The following CNTN3 variants were observed in gnomAD, a reference collection of about 807,000 sequenced individuals.
The protein encoded by CNTN3 is contactin-3.
A neutral mutation model predicts 119.1 loss-of-function variants in CNTN3; 60 were observed. That is an observed-to-expected ratio of 0.50 (90% confidence interval 0.41 to 0.62). The LOEUF (loss-of-function observed/expected upper bound fraction) is 0.62. Ranked by LOEUF, CNTN3 falls within the 20% of genes least tolerant of loss-of-function variation. The pLI is 0.00. For missense variants in CNTN3, 1,101 were observed against 1,242.4 expected, an observed-to-expected ratio of 0.89 and a Z score of 1.71; for synonymous variants, 450 against 438.7, an observed-to-expected ratio of 1.03 and a Z score of -0.32.
intron 2 of CNTN3, among the ~76,000 whole-genome samples, chr3:74,509,561 G>T (rs1703327540): frequency 6.6e-6 from 1 of 152,160 alleles, no homozygotes; most frequent in African/African-American, 2.4e-5. Context: ...TTCCCAAAGT[G>T]CTGGGTTACA....
intron 4 of CNTN3, among the ~76,000 whole-genome samples, chr3:74,440,724 A>G (rs1701949250): frequency 6.6e-6 from 1 of 152,144 alleles, no homozygotes; most frequent in Non-Finnish European, 1.5e-5. Flanking sequence ...ACAAAGGTAT[A>G]CATGTGCCAT....
chr3:74,500,390 A>G (rs1042962282), intron 2 of CNTN3, among the ~76,000 whole-genome samples: 1 of 151,958 alleles, frequency 6.6e-6, no homozygotes, highest in Non-Finnish European at 1.5e-5. Flanking sequence ...AAAAAAAACA[A>G]ATCTCTCTAT....
At chr3:74,501,377 T>C (rs1703164208) in intron 2 of CNTN3, among the ~76,000 whole-genome samples, 2 of 151,904 alleles carry the variant, frequency 1.3e-5, no homozygotes, top group Admixed American at 6.6e-5. Flanking sequence ...ACTCCTTGAG[T>C]ATTGTCACAC....
chr3:74,325,289 G>GT (rs1170757357), intron 13 of CNTN3, among the ~76,000 whole-genome samples: 1 of 152,120 alleles, frequency 6.6e-6, no homozygotes, highest in Non-Finnish European at 1.5e-5. Context: ...ATAAAAGGTA[G>GT]TTTTTTCTTG....
intron 1 of CNTN3, among the ~76,000 whole-genome samples, chr3:74,589,037 T>C (rs1252361122): frequency 3.4e-4 from 51 of 151,500 alleles, no homozygotes; most frequent in African/African-American, 1.2e-3. Flanking sequence ...ATTCAGGACA[T>C]AGGCATGGGC....
At chr3:74,508,078 C>T (rs1703296945) in intron 2 of CNTN3, among the ~76,000 whole-genome samples, 1 of 152,096 alleles carries the variant, frequency 6.6e-6, no homozygotes, top group African/African-American at 2.4e-5. Context: ...GTGTCTCCAC[C>T]CAAATCTCAT....
chr3:74,450,217 T>C (rs1353710474), intron 4 of CNTN3, among the ~76,000 whole-genome samples: 2 of 152,122 alleles, frequency 1.3e-5, no homozygotes, highest in Non-Finnish European at 2.9e-5. Context: ...AAAATACATG[T>C]GTTTTTTATA....
chr3:74,347,433 G>T (rs569898504), intron 11 of CNTN3, among the ~76,000 whole-genome samples: 1 of 152,232 alleles, frequency 6.6e-6, no homozygotes, highest in Admixed American at 6.5e-5. Flanking sequence ...TGCAAAATGA[G>T]CCTCCCTCTG....
intron 1 of CNTN3, among the ~76,000 whole-genome samples, chr3:74,602,276 ACAG>A (rs900081867): frequency 3.5e-5 from 5 of 143,348 alleles, no homozygotes; most frequent in Admixed American, 2.8e-4. Context: ...AGCCCAGGCC[ACAG>A]AGCAAGACCT....
chr3:74,373,592 T>C (rs1295115859), intron 5 of CNTN3, among the ~76,000 whole-genome samples: 1 of 152,168 alleles, frequency 6.6e-6, no homozygotes, highest in African/African-American at 2.4e-5. Flanking sequence ...TCATGCAAGA[T>C]AATATTATAC....
At chr3:74,400,371 C>G (rs772000262) in intron 5 of CNTN3, among the ~76,000 whole-genome samples, 1 of 152,186 alleles carries the variant, frequency 6.6e-6, no homozygotes, top group East Asian at 1.9e-4. Flanking sequence ...ACGGCACCGT[C>G]CCAGTTGGGG....
intron 3 of CNTN3, among the ~76,000 whole-genome samples, chr3:74,494,045 A>C (rs1339947857): frequency 1.3e-5 from 2 of 152,156 alleles, no homozygotes; most frequent in African/African-American, 4.8e-5. Flanking sequence ...GGATTCTCTT[A>C]AAATTATTTC....
intron 3 of CNTN3, among the ~76,000 whole-genome samples, chr3:74,487,277 G>C (rs1702876548): frequency 6.6e-6 from 1 of 152,116 alleles, no homozygotes; most frequent in African/African-American, 2.4e-5. Flanking sequence ...AGAGAAGCTG[G>C]TTTTTAAATA....
intron 11 of CNTN3, among the ~76,000 whole-genome samples, chr3:74,350,142 G>T (rs1168125199): frequency 6.6e-6 from 1 of 152,044 alleles, no homozygotes; most frequent in Non-Finnish European, 1.5e-5. Flanking sequence ...ACATTTGGGT[G>T]GAATTTACTT....
At position 74,365,668 on chromosome 3, in the gene CNTN3, C is replaced by T. The variant is rs748263367; in HGVS notation, c.981G>A (p.Val327=). The T allele has an allele frequency of 6.2e-7, 1 of 1,613,362 alleles. No homozygotes were observed. The highest frequency in any genetic ancestry group is 8.5e-7 in the Non-Finnish European group (1 of 1,179,516). The change falls in exon 9 of 23, where the codon GTG becomes GTA. Residue 327 remains valine (V), a synonymous_variant. Coordinates refer to ENST00000263665, the MANE Select transcript of CNTN3 (RefSeq NM_020872.3). The stretch of plus-strand genomic sequence containing the variant: ...AAAGACTGTCCTCCACGGCTATTTC[C>T]ACATCCTTTATGAGTTGAACCCAAT... ...KPHWVQLIKD[V]EIAVEDSLYW... is the part of the protein sequence containing the mutation.
chr3:74,453,298 T>C (rs1431012198), intron 4 of CNTN3, among the ~76,000 whole-genome samples: 1 of 152,190 alleles, frequency 6.6e-6, no homozygotes, highest in Non-Finnish European at 1.5e-5. Context: ...TCTAGTTTAC[T>C]TGCGAAGAGG....
chr3:74,332,321 G>A (rs556161688), intron 13 of CNTN3, among the ~76,000 whole-genome samples: 4 of 152,314 alleles, frequency 2.6e-5, no homozygotes, highest in South Asian at 2.1e-4. Context: ...ATGTCATCTT[G>A]TATGGCTTAC....
chr3:74,431,598 T>C (rs1559598297), intron 4 of CNTN3, among the ~76,000 whole-genome samples: 1 of 152,208 alleles, frequency 6.6e-6, no homozygotes. Flanking sequence ...GTATTCTAAA[T>C]GTATTTGACC....
At chr3:74,401,394 G>T (rs572659675) in intron 5 of CNTN3, among the ~76,000 whole-genome samples, 1 of 152,204 alleles carries the variant, frequency 6.6e-6, no homozygotes, top group East Asian at 1.9e-4. Flanking sequence ...TATAGAAAAT[G>T]TTTGAAAGCA....
Sources: gnomAD v4.1 joint callset for allele counts (sites outside exome capture counted in the v4.1 genomes callset) on GRCh38, gnomAD v4.1.1 for gene constraint, MANE v1.5 for transcripts, NCBI Gene and HGNC (gene_info 2026-07-23, HGNC 2026-07-21) for gene names.